The following ZDHHC24 variants were observed in gnomAD, a reference collection of about 807,000 sequenced individuals.
ZDHHC24 encodes the protein probable palmitoyltransferase ZDHHC24.
In ZDHHC24, 17 loss-of-function variants were observed where a neutral mutation model predicts 23.2. The observed-to-expected ratio is 0.73, with a 90% confidence interval of 0.50 to 1.10. The LOEUF (loss-of-function observed/expected upper bound fraction) is 1.10, where lower values mean the gene tolerates loss of function less well. Among genes scored for constraint, ZDHHC24 ranks in the 50% least tolerant of loss-of-function variants. The probability of loss-of-function intolerance (pLI) is 0.00; values close to 1 mark genes in which losing one functional copy is unlikely to be tolerated. For missense variants in ZDHHC24, 366 were observed against 393.0 expected, an observed-to-expected ratio of 0.93 and a Z score of 0.58; for synonymous variants, 186 against 194.5, an observed-to-expected ratio of 0.96 and a Z score of 0.36.
At chr11:66,543,313 C>G (rs1020336653) in intron 2 of ZDHHC24, among the ~76,000 whole-genome samples, 1 of 152,112 alleles carries the variant, frequency 6.6e-6, no homozygotes, top group Non-Finnish European at 1.5e-5. Context: ...TCTCAGGACC[C>G]CACCAGCCAG....
At chr11:66,541,109 T>C (rs561721831) in intron 2 of ZDHHC24, among the ~76,000 whole-genome samples, 11 of 152,006 alleles carry the variant, frequency 7.2e-5, no homozygotes, top group African/African-American at 2.2e-4. Context: ...CACTTTAAAA[T>C]AGTTAAAATG....
chr11:66,526,745 A>C, intron 4 of ZDHHC24: 1 of 1,614,210 alleles, frequency 6.2e-7, no homozygotes, highest in Non-Finnish European at 8.5e-7. Context: ...ATGAAACTCA[A>C]TGTGCCCCGA....
intron 3 of ZDHHC24, chr11:66,529,231 CAT>C: frequency 4.0e-6 from 6 of 1,499,306 alleles, no homozygotes; most frequent in Non-Finnish European, 5.3e-6. Flanking sequence ...GGGGAAGAGT[CAT>C]GTGATCCTGC....
At chr11:66,530,200 A>C (rs1332171363) in intron 2 of ZDHHC24, among the ~76,000 whole-genome samples, 4 of 152,184 alleles carry the variant, frequency 2.6e-5, no homozygotes, top group African/African-American at 9.7e-5. Flanking sequence ...TCTCCAGCTC[A>C]GATAGGCCCC....
chr11:66,529,206 C>T, intron 3 of ZDHHC24: 1 of 1,477,676 alleles, frequency 6.8e-7, no homozygotes. Context: ...GCGGGGTGGG[C>T]CCTGGAGGTG....
intron 4 of ZDHHC24, among the ~76,000 whole-genome samples, chr11:66,522,549 T>C (rs1259147969): frequency 4.6e-5 from 7 of 152,146 alleles, no homozygotes; most frequent in African/African-American, 1.7e-4. Flanking sequence ...GGTTTCACCA[T>C]ATTGGCCAGG....
At position 66,537,803 on chromosome 11, in the gene ZDHHC24, C is replaced by CA. The variant is rs1295338517; in HGVS notation, c.*1725_*1726insT. ...ATTAGCTTGGCGTGGTGGCAGGCACCTGTAGTCCCAGCTACTTGAGAGGCT... is the reference window on the plus strand; with the variant it reads ...ATTAGCTTGGCGTGGTGGCAGGCACCATGTAGTCCCAGCTACTTGAGAGGCT... On this transcript the variant is annotated 3_prime_UTR_variant, in exon 3 of 3. Coordinates refer to ENST00000310442, the MANE Select transcript of ZDHHC24 (RefSeq NM_207340.3). 6.6e-6 allele frequency: 1 copy of CA among 151,318 alleles called. No individual in the cohort carries two copies. Among genetic ancestry groups the CA allele is most frequent in the African/African-American group, 2.4e-5 (1 of 41,230 alleles). 9.4% of individuals were successfully genotyped at this position (151,318 alleles called of 1,614,324 possible).
intron 2 of ZDHHC24, chr11:66,530,094 G>A (rs1336577628): frequency 3.3e-6 from 4 of 1,224,422 alleles, no homozygotes; most frequent in Non-Finnish European, 4.6e-6. Context: ...CCGCAGACCT[G>A]GGGACCGAGT....
chr11:66,544,067 G>A lies in ZDHHC24; in HGVS notation c.282-86C>T, dbSNP rs560508550. On this transcript the variant is annotated intron_variant, in intron 1 of 2. Coordinates refer to ENST00000310442, the MANE Select transcript of ZDHHC24 (RefSeq NM_207340.3). Reference sequence around the variant, plus strand: ...AGGGCTGCCCCAGAGCCCATCCTGCGGAAGTGGCAACAGCCATTTGCCCTG... The same window carrying A: ...AGGGCTGCCCCAGAGCCCATCCTGCAGAAGTGGCAACAGCCATTTGCCCTG... 115 of 1,533,758 alleles carry A rather than the reference G, an allele frequency of 7.5e-5. No homozygotes were observed. The South Asian group carries it at 1.0e-3, about 13-fold the overall frequency.
downstream of ZDHHC24, among the ~76,000 whole-genome samples, chr11:66,534,486 A>G (rs1367870360): frequency 6.7e-6 from 1 of 149,566 alleles, no homozygotes; most frequent in Non-Finnish European, 1.5e-5. Context: ...CTCTGTCTCA[A>G]AAGAAAAGAA....
rs1347358462 is a variant in ZDHHC24 at position 66,526,823 on chromosome 11, G to A, written c.*21+113C>T. The A allele has an allele frequency of 9.9e-6, 16 of 1,614,072 alleles. No homozygotes were observed. The highest frequency in any genetic ancestry group is 1.4e-5 in the Non-Finnish European group (16 of 1,180,036). On this transcript the variant is annotated intron_variant, in intron 4 of 4. Transcript: ENST00000526986. ...GCTGGCACCGGTGAGCCTCAGACTG[G>A]GTCCTTTCCCTTCTTCCTCCTCCAC... is the stretch of plus-strand genomic sequence containing the variant.
exon 3 of ZDHHC24, chr11:66,529,339 C>T (rs1217392443): frequency 2.0e-6 from 3 of 1,534,160 alleles, no homozygotes; most frequent in East Asian, 2.4e-5. Flanking sequence ...CAGCATTGAG[C>T]CTGAGGTGTT....
In ZDHHC24 at chr11:66,545,596, TA is replaced by T. The variant is rs894026679; in HGVS notation, c.281+126del. The T allele has an allele frequency of 1.2e-5, 14 of 1,166,016 alleles. No homozygotes were observed. The highest frequency in any genetic ancestry group is 2.7e-4 in the Middle Eastern group (1 of 3,738). 72.2% of individuals were successfully genotyped at this position (1,166,016 alleles called of 1,614,324 possible). On this transcript the variant is annotated intron_variant, in intron 1 of 2. Coordinates refer to ENST00000310442, the MANE Select transcript of ZDHHC24 (RefSeq NM_207340.3). The surrounding 1 kb of genome is among the most constrained non-coding windows in gnomAD (Gnocchi z 4.5). ...ATTCTAGCTCTTCCATCCCAGGTTC[TA>T]AAAAAATGTCTGATTCTAACAACCT...
rs1040851174 is a variant in ZDHHC24, at chr11:66,529,553, T to G, written c.560-65A>C. On this transcript the variant is annotated intron_variant, in intron 2 of 4. Transcript: ENST00000526986. The stretch of plus-strand genomic sequence containing the variant: ...CCAGACTCAGGAGAACACCAGCCTC[T>G]AGGGCCGGACAGAGAAGCCAGTGAA... 2.6e-4 allele frequency: 185 copies of G among 703,156 alleles called. 1 individual carries two copies. Among genetic ancestry groups the G allele is most frequent in the Non-Finnish European group, 5.9e-5 (23 of 389,578 alleles). 43.6% of individuals were successfully genotyped at this position (703,156 alleles called of 1,614,324 possible). A position where few individuals can be genotyped will look rare whatever the true frequency, so the allele number is the denominator to read the frequency against.
chr11:66,526,548 C>A, intron 4 of ZDHHC24: 1 of 1,482,586 alleles, frequency 6.7e-7, no homozygotes, highest in South Asian at 1.1e-5. Context: ...CGGATGTGTA[C>A]AGAAGCAACT....
At chr11:66,520,846 A>G (rs1856184977), downstream of ZDHHC24, 1 of 304,128 alleles carries the variant, frequency 3.3e-6, no homozygotes, top group Non-Finnish European at 6.4e-6. Flanking sequence ...CAGTCCTCTC[A>G]CCTCATCTTC....
At chr11:66,541,624 G>A (rs753099981) in intron 2 of ZDHHC24, among the ~76,000 whole-genome samples, 13 of 151,998 alleles carry the variant, frequency 8.6e-5, no homozygotes, top group Non-Finnish European at 1.5e-4. Context: ...CTAGACAGGA[G>A]CACGGGGAAA....
At position 66,522,964 on chromosome 11, in the gene ZDHHC24, G is replaced by A. The variant is rs76959757; in HGVS notation, c.*22-1498C>T. On this transcript the variant is annotated intron_variant, in intron 4 of 4. Coordinates refer to the ZDHHC24 transcript ENST00000526986. ...AGTGTTGTAGGCCAACTCAAAGTGG[G>A]AAAGACATTGGCGTGTGCTCCTCGA... is the stretch of plus-strand genomic sequence containing the variant. 9.6e-3 allele frequency: 3,460 copies of A among 359,956 alleles called. 106 individuals carry two copies. The highest frequency in any genetic ancestry group is 0.068 in the African/African-American group (3,183 of 46,922). The allele number at this position is 359,956 out of a possible 1,614,324, so 22.3% of individuals were successfully genotyped here.
intron 4 of ZDHHC24, chr11:66,523,823 G>A: frequency 6.2e-7 from 1 of 1,613,614 alleles, no homozygotes; most frequent in Non-Finnish European, 8.5e-7. Context: ...GGCTGGGCTG[G>A]CCAATGGAGA....
Sources: gnomAD v4.1 joint callset for allele counts (sites outside exome capture counted in the v4.1 genomes callset) on GRCh38, gnomAD v4.1.1 for gene constraint, Gnocchi (gnomAD v3.1) non-coding constraint, MANE v1.5 for transcripts, NCBI Gene and HGNC (gene_info 2026-07-23, HGNC 2026-07-21) for gene names.